The following CHAF1B variants were observed in gnomAD, a reference collection of about 807,000 sequenced individuals.
CHAF1B encodes chromatin assembly factor 1 subunit B.
A neutral mutation model predicts 60.7 loss-of-function variants in CHAF1B; 10 were observed. The ratio of observed to expected loss-of-function variants is 0.16; its 90% confidence interval spans 0.10 to 0.28. CHAF1B has a LOEUF of 0.28. Among genes scored for constraint, CHAF1B ranks in the 10% least tolerant of loss-of-function variants. The pLI, the probability that CHAF1B is intolerant of heterozygous loss-of-function variation, is 1.00. For missense variants in CHAF1B, 558 were observed against 708.4 expected (o/e 0.79, Z 2.41); for synonymous variants, 261 against 266.1 (o/e 0.98, Z 0.19).
In CHAF1B at chr21:36,397,400, G is replaced by T. The variant is rs755045127; in HGVS notation, c.482-15G>T. Reference sequence around the variant, plus strand: ...TAATGCTGTTTTGGTGCGTGTGTGTGTGTTTTTTTTGTAGGACAAAAGATA... The same window carrying T: ...TAATGCTGTTTTGGTGCGTGTGTGTTTGTTTTTTTTGTAGGACAAAAGATA... On this transcript the variant is annotated splice_polypyrimidine_tract_variant and intron_variant, in intron 5 of 13. Coordinates refer to ENST00000314103, the MANE Select transcript of CHAF1B (RefSeq NM_005441.3). 2 of 1,390,470 alleles carry T rather than the reference G, an allele frequency of 1.4e-6. No homozygotes were observed. The highest frequency in any genetic ancestry group is 1.9e-5 in the Admixed American group (1 of 51,942). The allele number at this position is 1,390,470 out of a possible 1,614,324, so 86.1% of individuals were successfully genotyped here.
intron 3 of CHAF1B, among the ~76,000 whole-genome samples, 192 bp downstream of exon 3, chr21:36,387,922 G>T (rs2086048385): frequency 6.6e-6 from 1 of 151,848 alleles, no homozygotes; most frequent in African/African-American, 2.4e-5. Context: ...GGGTTCAAGC[G>T]ATTCTCCTGC....
At chr21:36,403,537 A>C (rs1569126390) in intron 8 of CHAF1B, among the ~76,000 whole-genome samples, 1 of 150,630 alleles carries the variant, frequency 6.6e-6, no homozygotes, top group East Asian at 2.0e-4. Flanking sequence ...TAACATGTGT[A>C]TGGAAGCCAT....
At chr21:36,408,947 C>T (rs759707417) in intron 9 of CHAF1B, 117 bp downstream of exon 9, 19 of 662,000 alleles carry the variant, frequency 2.9e-5, no homozygotes, top group Middle Eastern at 4.0e-4. Flanking sequence ...CTCTGCCTCC[C>T]GGGTTCAAGT....
Position 36,402,851 on chromosome 21 carries a change from GGTGT to G in CHAF1B, c.757+3_757+6del. The G allele has an allele frequency of 6.2e-7, 1 of 1,612,516 alleles. No individual in the cohort carries two copies. The highest frequency in any genetic ancestry group is 2.2e-5 in the East Asian group (1 of 44,878). ...CGACGGATCTTTGCTTCTCACGCCAGGTGTGTTTCGTAGCTTTGGACTTAAAGGA... is the reference window on the plus strand; with the variant it reads ...CGACGGATCTTTGCTTCTCACGCCAGGTTTCGTAGCTTTGGACTTAAAGGA... On this transcript the variant is annotated splice_donor_variant and splice_donor_region_variant and intron_variant, in intron 8 of 13. Coordinates refer to ENST00000314103, the MANE Select transcript of CHAF1B (RefSeq NM_005441.3). LOFTEE classifies it high-confidence loss of function.
chr21:36,393,232 G>GGAGGGAGAGGGA (rs748425761), intron 4 of CHAF1B, among the ~76,000 whole-genome samples: 1 of 151,834 alleles, frequency 6.6e-6, no homozygotes, highest in African/African-American at 2.4e-5. Flanking sequence ...GGGAGACGGT[G>GGAGGGAGAGGGA]GAGGGAGAGG....
chr21:36,400,189 A>G (rs1339178111), intron 7 of CHAF1B, among the ~76,000 whole-genome samples: 1 of 151,708 alleles, frequency 6.6e-6, no homozygotes, highest in Non-Finnish European at 1.5e-5. Flanking sequence ...CAAAAATAAA[A>G]TGAAATAAGG....
chr21:36,385,953 T>C (rs1198237745), intron 1 of CHAF1B, 107 bp from the exon 2 acceptor site: 1 of 622,254 alleles, frequency 1.6e-6, no homozygotes, highest in Non-Finnish European at 2.7e-6. Flanking sequence ...GATGGCAACG[T>C]TAACATCCTT....
At chr21:36,398,451 C>G (rs1156613245) in intron 6 of CHAF1B, among the ~76,000 whole-genome samples, 2 of 151,950 alleles carry the variant, frequency 1.3e-5, no homozygotes, top group African/African-American at 4.8e-5. Flanking sequence ...CCTCCACCTC[C>G]TAGGTTCAAG....
chr21:36,401,634 T>TAATATATATTTTTATATTATAC (rs1569125366), intron 7 of CHAF1B, among the ~76,000 whole-genome samples: 222 of 129,364 alleles, frequency 1.7e-3, no homozygotes, highest in Non-Finnish European at 2.4e-3. Context: ...TTATATTATA[T>TAATATATATTTTTATATTATAC]ATAATATATA....
chr21:36,386,333 C>T (rs569116913), intron 2 of CHAF1B, 71 bp downstream of exon 2: 43 of 1,568,306 alleles, frequency 2.7e-5, no homozygotes, highest in Non-Finnish European at 3.6e-5. Flanking sequence ...TTACTTAAAA[C>T]CAGTGTCGGC....
At position 36,413,207 on chromosome 21, in the gene CHAF1B, G is replaced by A. The variant is rs2086291984; in HGVS notation, c.1385G>A (p.Gly462Glu). The change falls in exon 12 of 14, where the codon GGG (glycine) becomes GAG (glutamate). Residue 462 changes from glycine to glutamate, a missense_variant. Coordinates refer to ENST00000314103, the MANE Select transcript of CHAF1B (RefSeq NM_005441.3). ...CCTGCTGTCAAAAGCCCCTTGCCGG[G>A]GCCTTCGGAGGAGAAGACCCTGCAG... ...ITPAVKSPLP[G>E]PSEEKTLQPS... 4 of 1,614,030 alleles carry A rather than the reference G, an allele frequency of 2.5e-6. No homozygotes were observed. The highest frequency in any genetic ancestry group is 3.4e-6 in the Non-Finnish European group (4 of 1,180,022).
intron 7 of CHAF1B, among the ~76,000 whole-genome samples, chr21:36,400,139 C>T (rs2086175121): frequency 6.6e-6 from 1 of 151,748 alleles, no homozygotes; most frequent in South Asian, 2.1e-4. Context: ...GAGATCATGC[C>T]ACTGCACTCT....
In CHAF1B at chr21:36,394,561, A is replaced by G. The variant is rs757559336; in HGVS notation, c.392A>G (p.Asp131Gly). The G allele has an allele frequency of 1.9e-6, 3 of 1,612,738 alleles. No individual in the cohort carries two copies. In the South Asian group the frequency reaches 3.3e-5, roughly 18 times the overall value. ...VVKTLRGHLE[D>G]VYDICWATDG... is the part of the protein sequence containing the mutation. ...TTGGATTCTAGGGGCCACTTAGAAG[A>G]TGTGTATGATATTTGCTGGGCAACT... The change falls in exon 5 of 14, where the codon GAT (aspartate) becomes GGT (glycine). Residue 131 changes from aspartate to glycine, a missense_variant. By Grantham distance (94) the Asp-to-Gly change is moderately conservative. Around this residue, in one of 2 missense-constraint regions of CHAF1B, gnomAD observed 325 missense variants for 493.5 expected, o/e 0.66. Coordinates refer to ENST00000314103, the MANE Select transcript of CHAF1B (RefSeq NM_005441.3).
At chr21:36,389,827 A>C (rs2086072142) in intron 3 of CHAF1B, among the ~76,000 whole-genome samples, 1 of 140,224 alleles carries the variant, frequency 7.1e-6, no homozygotes, top group African/African-American at 2.9e-5. Flanking sequence ...TTGTAGAGGG[A>C]AAAGTGGGGA....
intron 3 of CHAF1B, among the ~76,000 whole-genome samples, chr21:36,389,800 TGC>T (rs1555911823): frequency 1.1e-3 from 138 of 124,796 alleles, no homozygotes; most frequent in East Asian, 5.4e-3. Flanking sequence ...TGTGTGTGTG[TGC>T]GCGCGCACGC....
At chr21:36,400,381 G>T (rs962101317) in intron 7 of CHAF1B, among the ~76,000 whole-genome samples, 1 of 152,098 alleles carries the variant, frequency 6.6e-6, no homozygotes, top group African/African-American at 2.4e-5. Context: ...TGAGGCAGGA[G>T]AATTGCTTGA....
chr21:36,402,217 G>A (rs945346838), intron 7 of CHAF1B, among the ~76,000 whole-genome samples: 5 of 152,148 alleles, frequency 3.3e-5, no homozygotes, highest in Admixed American at 6.6e-5. Context: ...AGGCTGAGAC[G>A]GGAGGATTGC....
chr21:36,389,800 T>TGCGTGTGTGTGTGCGCGCGC (rs1555911825), intron 3 of CHAF1B, among the ~76,000 whole-genome samples: 1 of 124,746 alleles, frequency 8.0e-6, no homozygotes, highest in African/African-American at 3.5e-5. Flanking sequence ...TGTGTGTGTG[T>TGCGTGTGTGTGTGCGCGCGC]GCGCGCGCAC....
intron 8 of CHAF1B, among the ~76,000 whole-genome samples, chr21:36,403,874 C>T (rs1454365293): frequency 6.6e-6 from 1 of 152,176 alleles, no homozygotes; most frequent in Non-Finnish European, 1.5e-5. Context: ...AGGGCACTGT[C>T]TTGGTTTGCC....
Sources: gnomAD v4.1 joint callset for allele counts (sites outside exome capture counted in the v4.1 genomes callset) on GRCh38, gnomAD v4.1.1 for gene constraint, gnomAD v4.1.1 regional missense constraint, MANE v1.5 for transcripts, NCBI Gene and HGNC (gene_info 2026-07-23, HGNC 2026-07-21) for gene names.